The following SRRT variants were observed in gnomAD, a reference collection of about 807,000 sequenced individuals.
SRRT encodes the protein serrate RNA effector molecule homolog.
In SRRT, 32 loss-of-function variants were observed where a neutral mutation model predicts 103.2. The observed-to-expected ratio is 0.31, with a 90% CI of 0.23 to 0.42. The LOEUF is 0.42. Ranked by LOEUF, SRRT falls within the 10% of genes least tolerant of loss-of-function variation. The pLI is 1.00. For missense variants in SRRT, 986 were observed against 1,207.5 expected, an observed-to-expected ratio of 0.82 and a Z score of 2.72; for synonymous variants, 525 against 449.0, an observed-to-expected ratio of 1.17 and a Z score of -2.14.
At chr7:100,880,885 T>A in intron 2 of SRRT, 1 of 258,450 alleles carries the variant, frequency 3.9e-6, no homozygotes, top group Non-Finnish European at 7.9e-6. Context: ...ACTCATGGAG[T>A]TAGACAAGAA....
intron 2 of SRRT, among the ~76,000 whole-genome samples, chr7:100,879,252 A>C (rs1028490868): frequency 1.3e-5 from 2 of 152,084 alleles, no homozygotes; most frequent in African/African-American, 4.8e-5. Flanking sequence ...TACCACTTCC[A>C]GCCAGCCAGC....
In SRRT at chr7:100,884,194, C is replaced by G; in HGVS notation, c.712C>G (p.Leu238Val). 1 of 1,614,174 alleles carries G rather than the reference C, an allele frequency of 6.2e-7. No individual in the cohort carries two copies. Among genetic ancestry groups the G allele is most frequent in the Non-Finnish European group, 8.5e-7 (1 of 1,180,036 alleles). The change falls in exon 6 of 20, where the codon CTG (leucine) becomes GTG (valine). Residue 238 changes from leucine to valine, a missense_variant. Leu to Val is a conservative substitution (Grantham distance 32). This residue lies in a region of SRRT where 274 missense variants were observed against 358.5 expected (regional missense o/e 0.76). Transcript: ENST00000611405. ...METGWFDNLLLDIDKADAIVK... is the reference protein window; with the variant it reads ...METGWFDNLLVDIDKADAIVK... Reference sequence around the variant, plus strand: ...GACTGGCTGGTTTGATAACCTTCTCCTGGACATAGACAAAGCTGATGCCAT... The same window carrying G: ...GACTGGCTGGTTTGATAACCTTCTCGTGGACATAGACAAAGCTGATGCCAT...
At position 100,884,210 on chromosome 7, in the gene SRRT, C is replaced by T. The variant is rs201947936; in HGVS notation, c.728C>T (p.Ala243Val). The change falls in exon 6 of 20, where the codon GCT (alanine) becomes GTT (valine). Residue 243 changes from alanine to valine, a missense_variant. Around this residue, in one of 6 missense-constraint regions of SRRT, gnomAD observed 274 missense variants for 358.5 expected, o/e 0.76. Coordinates refer to ENST00000611405, the MANE Select transcript of SRRT (RefSeq NM_015908.6). ...FDNLLLDIDK[A>V]DAIVKMLDAA... ...AACCTTCTCCTGGACATAGACAAAG[C>T]TGATGCCATTGTCAAGATGCTGGAT... 5.3e-5 allele frequency: 86 copies of T among 1,614,026 alleles called. No homozygotes were observed. Among genetic ancestry groups the T allele is most frequent in the Middle Eastern group, 1.6e-4 (1 of 6,084 alleles).
chr7:100,882,978 C>G lies in SRRT; in HGVS notation c.587+737C>G, dbSNP rs1426568532. ...AGTCAGGCCCCACTGCGGAGTCCCGCGTGGGCATCTCGGCCGGGCGCCCAG... is the reference window on the plus strand; with the variant it reads ...AGTCAGGCCCCACTGCGGAGTCCCGGGTGGGCATCTCGGCCGGGCGCCCAG... On this transcript the variant is annotated intron_variant, in intron 5 of 19. Coordinates refer to ENST00000611405, the MANE Select transcript of SRRT (RefSeq NM_015908.6). This position sits in a 1 kb window ranked among gnomAD's most constrained non-coding sequence, Gnocchi z 4.2. 1 of 152,362 alleles carries G rather than the reference C, an allele frequency of 6.6e-6. No homozygotes were observed. The highest frequency in any genetic ancestry group is 1.5e-5 in the Non-Finnish European group (1 of 68,118). The allele number at this position is 152,362 out of a possible 1,614,324, so 9.4% of individuals were successfully genotyped here. A position where few individuals can be genotyped will look rare whatever the true frequency, so the allele number is the denominator to read the frequency against.
At position 100,885,126 on chromosome 7, in the gene SRRT, G is replaced by A; in HGVS notation, c.1159+86G>A. On this transcript the variant is annotated intron_variant, in intron 9 of 19. Transcript: ENST00000611405. The surrounding 1 kb of genome is among the most constrained non-coding windows in gnomAD (Gnocchi z 4.8). ...TGGCGACATTGACGGGAGGGTGGGTGGCTTTTAGGGGAAAGCTTCTGTATC... is the reference window on the plus strand; with the variant it reads ...TGGCGACATTGACGGGAGGGTGGGTAGCTTTTAGGGGAAAGCTTCTGTATC... The A allele has an allele frequency of 2.5e-6, 4 of 1,601,506 alleles. No individual in the cohort carries two copies. Among genetic ancestry groups the A allele is most frequent in the Non-Finnish European group, 3.4e-6 (4 of 1,172,696 alleles).
At position 100,884,400 on chromosome 7, in the gene SRRT, G is replaced by C; in HGVS notation, c.790G>C (p.Asp264His). The stretch of plus-strand genomic sequence containing the variant: ...TAAGATGGAAGGAGGCACGGAGAAT[G>C]ATCTTCGCATCCTGGAGCAGGAGGA... ...VIKMEGGTEN[D>H]LRILEQEEEE... Residue 264 changes from aspartate (D) to histidine (H), a missense_variant, in exon 7 of 20, where the codon GAT becomes CAT. Asp to His is a moderately conservative substitution (Grantham distance 81). Around this residue, in one of 6 missense-constraint regions of SRRT, gnomAD observed 274 missense variants for 358.5 expected, o/e 0.76. Coordinates refer to ENST00000611405, the MANE Select transcript of SRRT (RefSeq NM_015908.6). 3 of 1,613,724 alleles carry C rather than the reference G, an allele frequency of 1.9e-6. No individual in the cohort carries two copies. Among genetic ancestry groups the C allele is most frequent in the Non-Finnish European group, 2.5e-6 (3 of 1,179,890 alleles).
intron 5 of SRRT, among the ~76,000 whole-genome samples, chr7:100,883,802 G>C (rs1329041937): frequency 6.6e-6 from 1 of 152,116 alleles, no homozygotes; most frequent in Admixed American, 6.5e-5. Flanking sequence ...CTCCTACCCT[G>C]GCGTCCCCCT....
At chr7:100,881,924 G>A in intron 4 of SRRT, 119 bp downstream of exon 4, 2 of 1,477,656 alleles carry the variant, frequency 1.4e-6, no homozygotes, top group Non-Finnish European at 1.8e-6. Context: ...CCTGGGGTAG[G>A]GGTGGTAGCT....
rs868220887 is a variant in SRRT, at chr7:100,882,128, C to G, written c.474C>G (p.Ser158=). The part of the protein sequence containing the change: ...VMKTFKEFLL[S]LDDSVDETEA... ...AGACCTTCAAGGAGTTTCTCCTCTC[C>G]CTGGATGACTCGGTGGATGAGACGG... Residue 158 remains serine, a synonymous_variant, in exon 5 of 20, where the codon TCC becomes TCG. Coordinates refer to ENST00000611405, the MANE Select transcript of SRRT (RefSeq NM_015908.6). The surrounding 1 kb of genome is among the most constrained non-coding windows in gnomAD (Gnocchi z 4.2). The G allele has an allele frequency of 4.3e-6, 7 of 1,614,162 alleles. No individual in the cohort carries two copies. Among genetic ancestry groups the G allele is most frequent in the African/African-American group, 4.0e-5 (3 of 75,038 alleles).
intron 1 of SRRT, 32 bp from the exon 2 acceptor site, chr7:100,875,541 C>G (rs1020436560): frequency 1.9e-6 from 3 of 1,609,690 alleles, no homozygotes; most frequent in Non-Finnish European, 2.5e-6. Flanking sequence ...CGTCCTTTTG[C>G]ACCACTCCTA....
rs199528372 is a variant in SRRT at position 100,887,775 on chromosome 7, G to A, written c.2242G>A (p.Ala748Thr). The A allele has an allele frequency of 6.7e-5, 108 of 1,613,344 alleles. No homozygotes were observed. Among genetic ancestry groups the A allele is most frequent in the Non-Finnish European group, 8.9e-5 (105 of 1,179,554 alleles). The change falls in exon 17 of 20, where the codon GCG becomes ACG. Residue 748 changes from alanine (A) to threonine (T), a missense_variant. Physicochemically the swap from Ala to Thr is moderately conservative, Grantham distance 58. Transcript: ENST00000611405. The surrounding 1 kb of genome is among the most constrained non-coding windows in gnomAD (Gnocchi z 4.1). Reference protein sequence around the residue: ...EKIEEVKKEVAFFNNFLTDAK... With the variant: ...EKIEEVKKEVTFFNNFLTDAK... ...AATTGAGGAAGTGAAAAAGGAAGTCGCGTTTTTTAACAACTTCCTCACTGA... is the reference window on the plus strand; with the variant it reads ...AATTGAGGAAGTGAAAAAGGAAGTCACGTTTTTTAACAACTTCCTCACTGA...
rs142627875 is a variant in SRRT at position 100,888,341 on chromosome 7, C to G, written c.2513C>G (p.Ala838Gly). 62 of 1,614,016 alleles carry G rather than the reference C, an allele frequency of 3.8e-5. No homozygotes were observed. In the African/African-American group the frequency reaches 7.6e-4, roughly 20 times the overall value. ...GGTGCTGGTCGAGGGAACTATGATG[C>G]CTTCCGAGGCCAGGGAGGTTATCCT... ...PYGAGRGNYD[A>G]FRGQGGYPGK... Residue 838 changes from alanine (A) to glycine (G), a missense_variant, in exon 19 of 20, where the codon GCC becomes GGC. Transcript: ENST00000611405.
intron 2 of SRRT, chr7:100,880,702 G>T (rs981833599): frequency 6.9e-6 from 3 of 432,550 alleles, no homozygotes; most frequent in Non-Finnish European, 1.4e-5. Context: ...TTAGAGACAG[G>T]GTCTCCCTCT....
Position 100,882,009 on chromosome 7 carries a change from C to T in SRRT, c.399-44C>T. 10 of 1,582,860 alleles carry T rather than the reference C, an allele frequency of 6.3e-6. No homozygotes were observed. The highest frequency in any genetic ancestry group is 8.6e-6 in the Non-Finnish European group (10 of 1,166,592). On this transcript the variant is annotated intron_variant, in intron 4 of 19. Transcript: ENST00000611405. This position sits in a 1 kb window ranked among gnomAD's most constrained non-coding sequence, Gnocchi z 4.2. Reference sequence around the variant, plus strand: ...CTACTTTGGCCCCTGTAGCCTCCCACCGTTCCCCAAAAACCAAGCCTTCCT... The same window carrying T: ...CTACTTTGGCCCCTGTAGCCTCCCATCGTTCCCCAAAAACCAAGCCTTCCT...
At chr7:100,881,218 T>C in intron 2 of SRRT, 67 bp from the exon 3 acceptor site, 1 of 1,548,480 alleles carries the variant, frequency 6.5e-7, no homozygotes, top group Admixed American at 1.8e-5. Flanking sequence ...GCCTCAAAAG[T>C]GCTTGGATTA....
rs780768910 is a variant in SRRT at position 100,885,077 on chromosome 7, A to G, written c.1159+37A>G. ...TTTCTGCTTTAAAGTGCGTTCTCCTAATGCGGGTGGGGAGGTGAGAGGTTG... is the reference window on the plus strand; with the variant it reads ...TTTCTGCTTTAAAGTGCGTTCTCCTGATGCGGGTGGGGAGGTGAGAGGTTG... On this transcript the variant is annotated intron_variant, in intron 9 of 19. Transcript: ENST00000611405. The surrounding 1 kb of genome is among the most constrained non-coding windows in gnomAD (Gnocchi z 4.8). The G allele has an allele frequency of 1.2e-6, 2 of 1,612,610 alleles. No homozygotes were observed. The highest frequency in any genetic ancestry group is 1.1e-5 in the South Asian group (1 of 91,066).
At chr7:100,875,734 C>T (rs1415037552) in intron 2 of SRRT, 22 bp downstream of exon 2, 6 of 1,612,600 alleles carry the variant, frequency 3.7e-6, no homozygotes, top group South Asian at 1.1e-5. Flanking sequence ...TTAACTTCAT[C>T]TTGTCCCCGT....
chr7:100,884,284 G>T (rs774385955), intron 6 of SRRT, 45 bp downstream of exon 6: 10 of 1,613,144 alleles, frequency 6.2e-6, no homozygotes, highest in Non-Finnish European at 1.7e-6. Flanking sequence ...CCCCATGGGG[G>T]TGGGGGTGTC....
chr7:100,888,138 A>G lies in SRRT; in HGVS notation c.2423A>G (p.Tyr808Cys). 1 of 1,610,750 alleles carries G rather than the reference A, an allele frequency of 6.2e-7. No individual in the cohort carries two copies. Among genetic ancestry groups the G allele is most frequent in the Non-Finnish European group, 8.5e-7 (1 of 1,178,360 alleles). Reference protein sequence around the residue: ...YGQPRPPILGYGAGAVRPAVP... With the variant: ...YGQPRPPILGCGAGAVRPAVP... The stretch of plus-strand genomic sequence containing the variant: ...CAGCCCCGGCCCCCGATCTTGGGCT[A>G]TGGAGGTAAGTACAGGAGGGAGATG... The change falls in exon 18 of 20, where the codon TAT (tyrosine) becomes TGT (cysteine). Residue 808 changes from tyrosine (Y) to cysteine (C), a missense_variant. Coordinates refer to ENST00000611405, the MANE Select transcript of SRRT (RefSeq NM_015908.6).
Sources: allele counts gnomAD v4.1 joint callset (sites outside exome capture counted in the v4.1 genomes callset), GRCh38; gene constraint gnomAD v4.1.1; regional missense constraint gnomAD v4.1.1; non-coding constraint Gnocchi (gnomAD v3.1); transcripts MANE v1.5; gene names NCBI Gene and HGNC (gene_info 2026-07-23, HGNC 2026-07-21).